GRB2: variants seen among roughly 807,000 people sequenced by gnomAD.
GRB2 encodes growth factor receptor bound protein 2.
In GRB2, 2 loss-of-function variants were observed where a neutral mutation model predicts 27.4. The observed-to-expected ratio is 0.07, with a 90% CI of 0.03 to 0.23. GRB2 has a LOEUF of 0.23. Ranked by LOEUF, GRB2 falls within the 10% of genes least tolerant of loss-of-function variation. The pLI is 1.00. For missense variants in GRB2, 102 were observed against 282.4 expected, an observed-to-expected ratio of 0.36 and a Z score of 4.58; for synonymous variants, 94 against 99.6, an observed-to-expected ratio of 0.94 and a Z score of 0.33.
chr17:75,370,151 A>G (rs541892300), intron 2 of GRB2, among the ~76,000 whole-genome samples: 1 of 152,374 alleles, frequency 6.6e-6, no homozygotes, highest in South Asian at 2.1e-4. Context: ...TTAGCTGTTA[A>G]CAGAGGTCAT....
chr17:75,371,864 G>C (rs535507627), intron 2 of GRB2: 1 of 152,066 alleles, frequency 6.6e-6, no homozygotes, highest in Non-Finnish European at 1.5e-5. Flanking sequence ...TGGCAAAAGC[G>C]TTGACCAATG....
intron 2 of GRB2, among the ~76,000 whole-genome samples, chr17:75,381,783 T>C (rs1440438714): frequency 2.7e-5 from 4 of 147,586 alleles, no homozygotes; most frequent in Non-Finnish European, 6.0e-5. Flanking sequence ...CATGAAATGA[T>C]CAACACTTCC....
intron 2 of GRB2, among the ~76,000 whole-genome samples, chr17:75,382,930 C>T (rs2078938748): frequency 1.3e-5 from 2 of 152,100 alleles, no homozygotes; most frequent in East Asian, 1.9e-4. Flanking sequence ...AGGATGGTCT[C>T]GATCTCCTGA....
chr17:75,377,698 A>G (rs1219186081), intron 2 of GRB2, among the ~76,000 whole-genome samples: 1 of 151,262 alleles, frequency 6.6e-6, no homozygotes, highest in Admixed American at 6.6e-5. Context: ...CTTCAGGTCA[A>G]GAGTTAGAGA....
chr17:75,368,364 C>A (rs1225874128), intron 2 of GRB2, among the ~76,000 whole-genome samples: 1 of 151,376 alleles, frequency 6.6e-6, no homozygotes, highest in Non-Finnish European at 1.5e-5. Context: ...TACAGGCGCC[C>A]CCCACCGTGC....
At chr17:75,326,131 C>T in intron 3 of GRB2, 111 bp from the exon 4 acceptor site, 1 of 1,224,924 alleles carries the variant, frequency 8.2e-7, no homozygotes, top group Non-Finnish European at 1.2e-6. Context: ...AGGGGCCTCC[C>T]TCCTCATCCT....
intron 2 of GRB2, among the ~76,000 whole-genome samples, chr17:75,360,258 T>C (rs1369158581): frequency 1.4e-4 from 22 of 152,314 alleles, no homozygotes; most frequent in Non-Finnish European, 5.9e-5. Context: ...CTCAAAAATA[T>C]GTTTTCAACA....
At chr17:75,372,117 A>G (rs2078860607) in intron 2 of GRB2, 1 of 152,212 alleles carries the variant, frequency 6.6e-6, no homozygotes, top group Non-Finnish European at 1.5e-5. Context: ...TCGAGACCAC[A>G]TTACACATCC....
intron 1 of GRB2, among the ~76,000 whole-genome samples, chr17:75,395,742 C>G (rs749439674): frequency 5.9e-5 from 9 of 152,114 alleles, no homozygotes; most frequent in Admixed American, 1.3e-4. Context: ...CCGACCTATA[C>G]CAGTAATATC....
intron 1 of GRB2, among the ~76,000 whole-genome samples, chr17:75,398,739 CTTTT>C (rs1041816732): frequency 1.4e-4 from 22 of 152,030 alleles, no homozygotes; most frequent in Non-Finnish European, 4.4e-5. Context: ...CTATTGACAA[CTTTT>C]ATTTATTTTT....
intron 3 of GRB2, 174 bp from the exon 4 acceptor site, chr17:75,326,194 C>A: frequency 1.5e-6 from 1 of 651,300 alleles, no homozygotes; most frequent in East Asian, 2.7e-5. Context: ...AGAGATGGAC[C>A]TTCAAAGGTC....
intron 2 of GRB2, among the ~76,000 whole-genome samples, chr17:75,354,902 G>A (rs1310230249): frequency 1.3e-5 from 2 of 152,204 alleles, no homozygotes; most frequent in Non-Finnish European, 2.9e-5. Flanking sequence ...CACAGTTCAT[G>A]CTTGTAATCT....
At chr17:75,332,894 C>T (rs935432410) in intron 2 of GRB2, 97 bp from the exon 3 acceptor site, 51 of 719,950 alleles carry the variant, frequency 7.1e-5, no homozygotes, top group Middle Eastern at 7.0e-4. Context: ...GGTCTGTGAA[C>T]GGTTTCACTC....
Position 75,378,996 on chromosome 17 carries a change from C to G in GRB2, c.78+14555G>C, listed in dbSNP as rs2078911326. Among the ~76,000 whole-genome samples the G allele has an allele frequency of 1.3e-5, 2 of 152,142 alleles. 1 individual carries two copies. On this transcript the variant is annotated intron_variant, in intron 2 of 5. Transcript: ENST00000316804. ...TTTTCTAAGAGCCTGGCACAGAAAT[C>G]CTCTGAGCTACTGCCACTTTCTAAA...
chr17:75,376,766 C>T lies in GRB2; in HGVS notation c.78+16785G>A, dbSNP rs1431834399. Among the ~76,000 whole-genome samples the T allele has an allele frequency of 5.3e-5, 8 of 152,036 alleles. No homozygotes were observed. The East Asian group carries it at 1.3e-3, about 26-fold the overall frequency. ...TCTGTAATCCCAGCACTTTGGGAGGCCAAGGTGAGAGGATCCCTTAATCCC... is the reference window on the plus strand; with the variant it reads ...TCTGTAATCCCAGCACTTTGGGAGGTCAAGGTGAGAGGATCCCTTAATCCC... On this transcript the variant is annotated intron_variant, in intron 2 of 5. Transcript: ENST00000316804.
chr17:75,389,406 C>T (rs761434475), intron 2 of GRB2, among the ~76,000 whole-genome samples: 15 of 152,110 alleles, frequency 9.9e-5, no homozygotes, highest in East Asian at 1.9e-4. Flanking sequence ...GTGTGCAACC[C>T]GACTCAAGTA....
At chr17:75,387,287 C>T (rs4789185) in intron 2 of GRB2, among the ~76,000 whole-genome samples, 100,290 of 151,412 alleles carry the variant, frequency 0.66, 38,120 homozygotes, top group East Asian at 0.91. Flanking sequence ...GTGAAACTCA[C>T]CTCTACTAAA....
At chr17:75,376,344 C>CAAAAAA (rs71159502) in intron 2 of GRB2, among the ~76,000 whole-genome samples, 5 of 74,486 alleles carry the variant, frequency 6.7e-5, no homozygotes, top group Admixed American at 1.8e-4. Flanking sequence ...GACTCTGTCT[C>CAAAAAA]AAAAAAAAAA....
intron 4 of GRB2, among the ~76,000 whole-genome samples, chr17:75,323,825 AGATG>A (rs1392569934): frequency 6.6e-6 from 1 of 151,000 alleles, no homozygotes; most frequent in East Asian, 1.9e-4. Context: ...TTTTTTTTAA[AGATG>A]GATGGAGTCT....
Sources: allele counts gnomAD v4.1 joint callset (sites outside exome capture counted in the v4.1 genomes callset), GRCh38; gene constraint gnomAD v4.1.1; transcripts MANE v1.5; gene names NCBI Gene and HGNC (gene_info 2026-07-23, HGNC 2026-07-21).